The following DOCK10 variants were observed in gnomAD, a reference collection of about 807,000 sequenced individuals.
DOCK10 encodes dedicator of cytokinesis protein 10.
DOCK10 carries 145 observed loss-of-function variants against 280.1 expected under a neutral mutation model. The observed-to-expected ratio is 0.52, with a 90% CI of 0.45 to 0.59. DOCK10 has a LOEUF of 0.59. Ranked by LOEUF, DOCK10 falls within the 20% of genes least tolerant of loss-of-function variation. The probability of loss-of-function intolerance (pLI) is 0.00; values close to 1 mark genes in which losing one functional copy is unlikely to be tolerated. For missense variants in DOCK10, 2,368 were observed against 2,651.7 expected (o/e 0.89, Z 2.35); for synonymous variants, 915 against 942.2 (o/e 0.97, Z 0.53).
chr2:224,911,003 C>G (rs1335350419), intron 3 of DOCK10, among the ~76,000 whole-genome samples: 1 of 151,078 alleles, frequency 6.6e-6, no homozygotes, highest in Non-Finnish European at 1.5e-5. Context: ...TAGATCCATA[C>G]AGTTGAGAAA....
intron 7 of DOCK10, among the ~76,000 whole-genome samples, chr2:224,881,138 G>T (rs1348785604): frequency 6.6e-6 from 1 of 152,076 alleles, no homozygotes; most frequent in Non-Finnish European, 1.5e-5. Flanking sequence ...GTATATAATA[G>T]GTGTGTAATA....
At chr2:224,796,501 T>A in intron 43 of DOCK10, 75 bp from the exon 44 acceptor site, 1 of 880,034 alleles carries the variant, frequency 1.1e-6, no homozygotes, top group Non-Finnish European at 1.8e-6. Flanking sequence ...CTGGGCTGGG[T>A]AAATGTATTA....
intron 14 of DOCK10, among the ~76,000 whole-genome samples, chr2:224,857,662 C>A (rs1016521350): frequency 1.3e-5 from 2 of 151,970 alleles, no homozygotes; most frequent in Non-Finnish European, 2.9e-5. Context: ...TAATGTCAGG[C>A]AATACTTGCT....
intron 3 of DOCK10, among the ~76,000 whole-genome samples, chr2:224,912,381 C>T (rs1479213674): frequency 3.9e-5 from 6 of 152,158 alleles, no homozygotes; most frequent in Admixed American, 3.3e-4. Flanking sequence ...GTGATCCACC[C>T]GCCTCGGCTT....
chr2:224,979,286 T>G (rs1238078016), intron 1 of DOCK10, among the ~76,000 whole-genome samples: 1 of 152,204 alleles, frequency 6.6e-6, no homozygotes, highest in Non-Finnish European at 1.5e-5. Context: ...CTGTTACTTT[T>G]TACATTTTAT....
At chr2:224,832,949 T>C (rs945690997) in intron 26 of DOCK10, among the ~76,000 whole-genome samples, 1 of 152,098 alleles carries the variant, frequency 6.6e-6, no homozygotes, top group Non-Finnish European at 1.5e-5. Context: ...GCTTCCAATC[T>C]CCTGAAACCC....
chr2:224,969,570 T>C (rs556143044), intron 1 of DOCK10, among the ~76,000 whole-genome samples: 8 of 152,206 alleles, frequency 5.3e-5, no homozygotes, highest in Non-Finnish European at 1.0e-4. Context: ...ATGCCCATCA[T>C]GCCAGCCCCT....
intron 19 of DOCK10, among the ~76,000 whole-genome samples, chr2:224,847,252 T>C (rs568090260): frequency 3.8e-4 from 58 of 152,336 alleles, no homozygotes; most frequent in African/African-American, 1.4e-3. Context: ...ATCATTTCAT[T>C]TTCCCCAGTA....
chr2:224,906,404 C>T lies in DOCK10; in HGVS notation c.334-10027G>A, dbSNP rs1027201185. On this transcript the variant is annotated intron_variant, in intron 3 of 55. Transcript: ENST00000258390. ...TCCTTCCCAAGCCGACCAATCCATA[C>T]TCTGGTATGCTTTTAGTTGTTTCTT... Among the ~76,000 whole-genome samples the T allele has an allele frequency of 4.6e-5, 7 of 152,200 alleles. No individual in the cohort carries two copies. The East Asian group carries it at 9.6e-4, about 21-fold the overall frequency.
chr2:224,765,472 A>G lies in DOCK10; in HGVS notation c.*249T>C, dbSNP rs1189831111. The G allele has an allele frequency of 7.5e-6, 3 of 400,236 alleles. No homozygotes were observed. The highest frequency in any genetic ancestry group is 9.0e-6 in the Non-Finnish European group (2 of 221,530). 24.8% of individuals were successfully genotyped at this position (400,236 alleles called of 1,614,324 possible). A position where few individuals can be genotyped will look rare whatever the true frequency, so the allele number is the denominator to read the frequency against. On this transcript the variant is annotated 3_prime_UTR_variant, in exon 56 of 56. Coordinates refer to ENST00000258390, the MANE Select transcript of DOCK10 (RefSeq NM_014689.3). ...AACTGACAGCAAACTTAGGGTTTGC[A>G]TTTGAGCTACACATTCACTGGAATT...
chr2:224,849,164 C>T (rs558819603), intron 19 of DOCK10, among the ~76,000 whole-genome samples: 4 of 151,958 alleles, frequency 2.6e-5, no homozygotes, highest in Non-Finnish European at 4.4e-5. Flanking sequence ...TTAGTAGAGA[C>T]GGGGTTTCAC....
intron 2 of DOCK10, among the ~76,000 whole-genome samples, chr2:224,921,106 A>T (rs1394558889): frequency 0.2 from 11,529 of 57,404 alleles, 1,224 homozygotes; most frequent in Non-Finnish European, 0.22. Flanking sequence ...AAAAAAAAAA[A>T]AAAAAAATAT....
At chr2:224,909,957 A>G (rs1700917620) in intron 3 of DOCK10, among the ~76,000 whole-genome samples, 1 of 152,204 alleles carries the variant, frequency 6.6e-6, no homozygotes, top group Non-Finnish European at 1.5e-5. Context: ...GTCATTGAAG[A>G]TTAAAAAAAA....
In DOCK10 at chr2:224,796,345, T is replaced by A; in HGVS notation, c.4909A>T (p.Asn1637Tyr). Residue 1637 changes from asparagine to tyrosine, a missense_variant, in exon 44 of 56, where the codon AAT becomes TAT. Asn to Tyr is a moderately radical substitution (Grantham distance 143). Coordinates refer to ENST00000258390, the MANE Select transcript of DOCK10 (RefSeq NM_014689.3). The stretch of plus-strand genomic sequence containing the variant: ...ATTTGCTTATCTCCATTGGCGAAAT[T>A]ATTGGTAATTGCAAGCGAATGTTGA... ...RFQHSLAITN[N>Y]FANGDKQMKN... The A allele has an allele frequency of 1.9e-6, 3 of 1,568,754 alleles. No homozygotes were observed. Among genetic ancestry groups the A allele is most frequent in the Non-Finnish European group, 2.6e-6 (3 of 1,155,472 alleles).
At chr2:224,953,957 T>G (rs1201166063) in intron 1 of DOCK10, among the ~76,000 whole-genome samples, 3 of 152,006 alleles carry the variant, frequency 2.0e-5, no homozygotes, top group Non-Finnish European at 4.4e-5. Context: ...GATGCATGCT[T>G]ATTGTGTGTG....
At position 224,805,415 on chromosome 2, in the gene DOCK10, C is replaced by G. The variant is rs756064796; in HGVS notation, c.3929G>C (p.Cys1310Ser). The G allele has an allele frequency of 2.5e-6, 4 of 1,612,806 alleles. No individual in the cohort carries two copies. The South Asian group carries it at 4.4e-5, about 18-fold the overall frequency. The change falls in exon 35 of 56, where the codon TGT becomes TCT. Residue 1310 changes from cysteine to serine, a missense_variant. Transcript: ENST00000258390. The surrounding 1 kb of genome is among the most constrained non-coding windows in gnomAD (Gnocchi z 4.3). ...NEKSSEKTDN[C>S]EKIPRPLSLI... is the part of the protein sequence containing the mutation. ...TTGAGAGGGAAGTCATACCTTTTCACAGTTGTCCGTCTTCTCACTGCTCTT... is the reference window on the plus strand; with the variant it reads ...TTGAGAGGGAAGTCATACCTTTTCAGAGTTGTCCGTCTTCTCACTGCTCTT...
rs117041564 is a variant in DOCK10 at position 224,899,325 on chromosome 2, T to C, written c.334-2948A>G. Among the ~76,000 whole-genome samples, 224 of 151,998 alleles carry C rather than the reference T, an allele frequency of 1.5e-3. 4 individuals are homozygous for C. The East Asian group carries it at 0.029, about 20-fold the overall frequency. On this transcript the variant is annotated intron_variant, in intron 3 of 55. Coordinates refer to ENST00000258390, the MANE Select transcript of DOCK10 (RefSeq NM_014689.3). ...CTAATTCCCTAGCCCAGTCTCCTCATTTTGGAGATCATTCATCCATGAATT... is the reference window on the plus strand; with the variant it reads ...CTAATTCCCTAGCCCAGTCTCCTCACTTTGGAGATCATTCATCCATGAATT...
intron 1 of DOCK10, among the ~76,000 whole-genome samples, chr2:224,962,830 A>G (rs748391277): frequency 6.6e-6 from 1 of 152,238 alleles, no homozygotes; most frequent in Non-Finnish European, 1.5e-5. Flanking sequence ...AAGTTGGAAT[A>G]CTGAATTAAA....
At chr2:224,886,222 T>G in intron 5 of DOCK10, 37 bp from the exon 6 acceptor site, 2 of 1,613,280 alleles carry the variant, frequency 1.2e-6, no homozygotes, top group Non-Finnish European at 1.7e-6. Flanking sequence ...AGCCATCTTT[T>G]GTGGATCCTA....
Sources: gnomAD v4.1 joint callset for allele counts (sites outside exome capture counted in the v4.1 genomes callset) on GRCh38, gnomAD v4.1.1 for gene constraint, Gnocchi (gnomAD v3.1) non-coding constraint, MANE v1.5 for transcripts, NCBI Gene and HGNC (gene_info 2026-07-23, HGNC 2026-07-21) for gene names.